The following CNTNAP2 variants were observed in gnomAD, a reference collection of about 807,000 sequenced individuals.
CNTNAP2 encodes contactin-associated protein-like 2.
In CNTNAP2, 98 loss-of-function variants were observed where a neutral mutation model predicts 155.2. That is an observed-to-expected ratio of 0.63 (90% confidence interval 0.54 to 0.75). The LOEUF (loss-of-function observed/expected upper bound fraction) is 0.75. CNTNAP2 is among the 30% of genes least tolerant of loss of function. The pLI is 0.00. For synonymous variants in CNTNAP2, 651 were observed against 631.2 expected (o/e 1.03, Z -0.47); for missense variants, 1,727 against 1,688.1 (o/e 1.02, Z -0.40).
intron 1 of CNTNAP2, among the ~76,000 whole-genome samples, chr7:146,756,425 C>T (rs1801996993): frequency 6.6e-6 from 1 of 151,940 alleles, no homozygotes. Flanking sequence ...TATAAGTACC[C>T]ATATCACTTT....
At chr7:147,644,403 T>C (rs952762524) in intron 13 of CNTNAP2, among the ~76,000 whole-genome samples, 4 of 152,122 alleles carry the variant, frequency 2.6e-5, no homozygotes, top group African/African-American at 9.7e-5. Context: ...GGTGGATCAC[T>C]TGAAGTCAGG....
At chr7:147,428,054 TAAATC>T (rs546807743) in intron 10 of CNTNAP2, among the ~76,000 whole-genome samples, 93 of 152,292 alleles carry the variant, frequency 6.1e-4, no homozygotes, top group Non-Finnish European at 1.1e-3. Context: ...ATAGTACAAA[TAAATC>T]AAAGTAAATG....
At chr7:146,982,945 A>G (rs1798046940) in intron 3 of CNTNAP2, among the ~76,000 whole-genome samples, 1 of 152,140 alleles carries the variant, frequency 6.6e-6, no homozygotes, top group South Asian at 2.1e-4. Flanking sequence ...CTAAGCTGCA[A>G]AATTGGAAAA....
rs539713334 is a variant in CNTNAP2, at chr7:147,837,332, T to A, written c.2099-66233T>A. On this transcript the variant is annotated intron_variant, in intron 13 of 23. Transcript: ENST00000361727. ...GATTCATGAGACTTATTCACTATCA[T>A]GAGACTAGCACAGGAAAGACCCACC... 2.6e-5 allele frequency among the ~76,000 whole-genome samples: 4 copies of A among 152,228 alleles called. No homozygotes were observed. In the South Asian group the frequency reaches 8.3e-4, roughly 32 times the overall value.
intron 12 of CNTNAP2, among the ~76,000 whole-genome samples, chr7:147,623,740 TA>T (rs572447516): frequency 0.022 from 3,115 of 144,654 alleles, 223 homozygotes; most frequent in Admixed American, 0.15. Flanking sequence ...TTCACAGAAA[TA>T]AAAAAAAAAA....
intron 1 of CNTNAP2, among the ~76,000 whole-genome samples, chr7:146,444,675 T>TTTTTTTTTTTA (rs1796376388): frequency 6.6e-6 from 1 of 151,370 alleles, no homozygotes; most frequent in African/African-American, 2.4e-5. Context: ...TTTTTTTTTT[T>TTTTTTTTTTTA]GAGACAGCAT....
At chr7:146,640,839 G>C (rs1186231065) in intron 1 of CNTNAP2, among the ~76,000 whole-genome samples, 1 of 152,150 alleles carries the variant, frequency 6.6e-6, no homozygotes, top group African/African-American at 2.4e-5. Context: ...AATAGACTTG[G>C]AGAAAGGAAA....
intron 3 of CNTNAP2, among the ~76,000 whole-genome samples, chr7:147,016,736 G>A (rs773331467): frequency 1.3e-5 from 2 of 151,984 alleles, no homozygotes; most frequent in Non-Finnish European, 2.9e-5. Context: ...GGTGAATAAG[G>A]CACAAAATAG....
intron 13 of CNTNAP2, among the ~76,000 whole-genome samples, chr7:147,671,010 A>C (rs909718194): frequency 2.0e-5 from 3 of 152,172 alleles, no homozygotes; most frequent in South Asian, 2.1e-4. Flanking sequence ...GGCCTGCATG[A>C]AGTTTGCTCC....
intron 8 of CNTNAP2, among the ~76,000 whole-genome samples, chr7:147,148,700 A>C (rs942678334): frequency 1.3e-5 from 2 of 152,080 alleles, no homozygotes; most frequent in Non-Finnish European, 2.9e-5. Flanking sequence ...GAGTGAAGCC[A>C]CAGACCTTCA....
At chr7:146,244,329 A>G (rs1486369910) in intron 1 of CNTNAP2, among the ~76,000 whole-genome samples, 1 of 152,172 alleles carries the variant, frequency 6.6e-6, no homozygotes, top group Non-Finnish European at 1.5e-5. Flanking sequence ...CAGGGCATGC[A>G]TGAGTAGTTG....
At chr7:148,146,541 G>A (rs1180823551) in intron 16 of CNTNAP2, among the ~76,000 whole-genome samples, 1 of 152,220 alleles carries the variant, frequency 6.6e-6, no homozygotes, top group South Asian at 2.1e-4. Context: ...GAGGAAGGTT[G>A]ATTTGGAGGT....
rs551026925 is a variant in CNTNAP2 at position 148,230,990 on chromosome 7, G to A, written c.3381+1211G>A. Among the ~76,000 whole-genome samples, 10 of 152,180 alleles carry A rather than the reference G, an allele frequency of 6.6e-5. No homozygotes were observed. The South Asian group carries it at 8.3e-4, about 13-fold the overall frequency. On this transcript the variant is annotated intron_variant, in intron 20 of 23. Coordinates refer to ENST00000361727, the MANE Select transcript of CNTNAP2 (RefSeq NM_014141.6). Reference sequence around the variant, plus strand: ...TCATTTCATCAACATTGTCTCCCTCGGCTTTTGATTAGAGACTTTTTCCAT... The same window carrying A: ...TCATTTCATCAACATTGTCTCCCTCAGCTTTTGATTAGAGACTTTTTCCAT...
intron 1 of CNTNAP2, among the ~76,000 whole-genome samples, chr7:146,558,610 T>C (rs1057379129): frequency 1.3e-5 from 2 of 152,066 alleles, no homozygotes; most frequent in African/African-American, 4.8e-5. Context: ...GGGGGGGAAA[T>C]AAGAACATTT....
At chr7:147,034,238 A>G (rs62484004) in intron 3 of CNTNAP2, among the ~76,000 whole-genome samples, 6,224 of 152,278 alleles carry the variant, frequency 0.041, 144 homozygotes, top group African/African-American at 0.055. Flanking sequence ...GTGGATAACA[A>G]ACAATGAGGA....
chr7:147,568,394 G>A (rs1010865603), intron 12 of CNTNAP2, among the ~76,000 whole-genome samples: 2 of 152,148 alleles, frequency 1.3e-5, no homozygotes, highest in Non-Finnish European at 2.9e-5. Context: ...GCAGCTCAGA[G>A]CTACATCTCT....
At chr7:146,860,696 CT>C (rs1795081075) in intron 3 of CNTNAP2, among the ~76,000 whole-genome samples, 1 of 151,688 alleles carries the variant, frequency 6.6e-6, no homozygotes, top group Non-Finnish European at 1.5e-5. Flanking sequence ...AAGAAAGCAT[CT>C]ACATTCATTT....
At chr7:147,309,795 G>T (rs1453666199) in intron 9 of CNTNAP2, among the ~76,000 whole-genome samples, 2 of 152,026 alleles carry the variant, frequency 1.3e-5, no homozygotes, top group African/African-American at 4.8e-5. Context: ...GGTAAATTAT[G>T]TCTCATGGGG....
intron 13 of CNTNAP2, among the ~76,000 whole-genome samples, chr7:147,865,001 T>C (rs182654789): frequency 1.7e-3 from 252 of 152,318 alleles, no homozygotes; most frequent in African/African-American, 5.7e-3. Flanking sequence ...CCTTGTCTTG[T>C]GCCAGTTTTC....
Sources: gnomAD v4.1 joint callset for allele counts (sites outside exome capture counted in the v4.1 genomes callset) on GRCh38, gnomAD v4.1.1 for gene constraint, MANE v1.5 for transcripts, NCBI Gene and HGNC (gene_info 2026-07-23, HGNC 2026-07-21) for gene names.